The following DPP10 variants were observed in gnomAD, a reference collection of about 807,000 sequenced individuals.
DPP10 encodes the protein dipeptidyl peptidase like 10.
DPP10 carries 33 observed loss-of-function variants against 120.9 expected under a neutral mutation model. The ratio of observed to expected loss-of-function variants is 0.27; its 90% CI spans 0.21 to 0.37. DPP10 has a LOEUF of 0.37. DPP10 is among the 10% of genes least tolerant of loss of function. The pLI is 1.00. For missense variants in DPP10, 816 were observed against 942.8 expected, an observed-to-expected ratio of 0.87 and a Z score of 1.76; for synonymous variants, 337 against 326.1, an observed-to-expected ratio of 1.03 and a Z score of -0.36.
intron 2 of DPP10, among the ~76,000 whole-genome samples, chr2:115,340,753 A>AT (rs1386867756): frequency 2.6e-5 from 4 of 151,530 alleles, no homozygotes; most frequent in Non-Finnish European, 5.9e-5. Context: ...TATAAAAGAA[A>AT]TTTATATATA....
chr2:114,919,111 A>C (rs1296761288), intron 1 of DPP10, among the ~76,000 whole-genome samples: 3 of 151,500 alleles, frequency 2.0e-5, no homozygotes, highest in African/African-American at 7.3e-5. Flanking sequence ...GTCAATGATC[A>C]CTCCAAGTTT....
At chr2:114,507,304 C>G (rs1683759545) in intron 1 of DPP10, among the ~76,000 whole-genome samples, 2 of 152,132 alleles carry the variant, frequency 1.3e-5, no homozygotes, top group South Asian at 4.1e-4. Context: ...ATGCCTCAGC[C>G]TCCTAAAGTG....
intron 1 of DPP10, among the ~76,000 whole-genome samples, chr2:114,593,009 T>A (rs970419168): frequency 1.3e-5 from 2 of 152,174 alleles, no homozygotes; most frequent in African/African-American, 4.8e-5. Flanking sequence ...TAGATCTTAA[T>A]CTCTTCCAGA....
intron 8 of DPP10, among the ~76,000 whole-genome samples, chr2:115,732,490 T>A: frequency 7.3e-6 from 1 of 137,248 alleles, no homozygotes; most frequent in South Asian, 2.4e-4. Flanking sequence ...AATAAGAAAA[T>A]GCTCAAAAAG....
intron 5 of DPP10, among the ~76,000 whole-genome samples, chr2:115,565,735 G>A (rs2080960638): frequency 6.7e-6 from 1 of 149,342 alleles, no homozygotes; most frequent in Non-Finnish European, 1.5e-5. Context: ...TTGTGATTAG[G>A]TAGAGGTTAT....
intron 1 of DPP10, among the ~76,000 whole-genome samples, chr2:114,736,563 A>G (rs1286013940): frequency 6.6e-6 from 1 of 152,260 alleles, no homozygotes; most frequent in Non-Finnish European, 1.5e-5. Flanking sequence ...CTATAAAATC[A>G]GAAAAATTTA....
At chr2:115,204,865 C>T (rs1373647664) in intron 1 of DPP10, among the ~76,000 whole-genome samples, 2 of 152,082 alleles carry the variant, frequency 1.3e-5, no homozygotes, top group Non-Finnish European at 2.9e-5. Flanking sequence ...AGTATTTTTT[C>T]ATGTTTCTTT....
intron 21 of DPP10, among the ~76,000 whole-genome samples, chr2:115,831,289 C>T (rs62157978): frequency 0.081 from 12,346 of 152,132 alleles, 669 homozygotes; most frequent in Non-Finnish European, 0.12. Context: ...TACTCAGTCG[C>T]CCAGGCTGGA....
At chr2:115,350,030 C>A (rs1201332827) in intron 3 of DPP10, among the ~76,000 whole-genome samples, 2 of 152,006 alleles carry the variant, frequency 1.3e-5, no homozygotes, top group African/African-American at 2.4e-5. Context: ...ATTCATGAGG[C>A]TCTTGAAGAT....
chr2:115,330,241 G>C (rs1244720305), intron 2 of DPP10, among the ~76,000 whole-genome samples: 1 of 152,144 alleles, frequency 6.6e-6, no homozygotes, highest in Non-Finnish European at 1.5e-5. Context: ...GTCTTCTTTT[G>C]AGAAGTGTCT....
intron 2 of DPP10, among the ~76,000 whole-genome samples, chr2:115,334,474 C>G (rs989997249): frequency 4.0e-5 from 6 of 151,280 alleles, no homozygotes; most frequent in African/African-American, 1.5e-4. Context: ...CATTAAAGAG[C>G]TTGAACTATA....
intron 1 of DPP10, chr2:115,131,977 C>T (rs2050384990): frequency 6.6e-6 from 1 of 151,924 alleles, no homozygotes; most frequent in South Asian, 2.1e-4. Flanking sequence ...ACAATCCCAG[C>T]TACTCTGGAG....
intron 1 of DPP10, among the ~76,000 whole-genome samples, chr2:114,549,262 C>T (rs1422330745): frequency 2.0e-5 from 3 of 151,966 alleles, no homozygotes; most frequent in South Asian, 2.1e-4. Context: ...TGATTCTCCA[C>T]ATAGAGAGTC....
At chr2:114,812,712 T>C (rs1240844842) in intron 1 of DPP10, among the ~76,000 whole-genome samples, 1 of 152,058 alleles carries the variant, frequency 6.6e-6, no homozygotes, top group African/African-American at 2.4e-5. Flanking sequence ...ACCTCCACAG[T>C]CTTTTGTTTG....
intron 1 of DPP10, among the ~76,000 whole-genome samples, chr2:114,937,545 C>A (rs180679179): frequency 6.6e-6 from 1 of 152,182 alleles, no homozygotes; most frequent in South Asian, 2.1e-4. Context: ...TAAGGTTTCA[C>A]GCCCTCTTGA....
chr2:115,716,735 C>G lies in DPP10; in HGVS notation c.577-11081C>G, dbSNP rs772548424. 1.6e-4 allele frequency among the ~76,000 whole-genome samples: 23 copies of G among 148,016 alleles called. 1 individual carries two copies. The highest frequency in any genetic ancestry group is 6.8e-3 in the Middle Eastern group (2 of 292). ...GCAAAAACAAACAAACAAACAAACA[C>G]TATTTATTCATTTGTGGCCAAAGGT... On this transcript the variant is annotated intron_variant, in intron 7 of 25. Transcript: ENST00000410059.
intron 1 of DPP10, among the ~76,000 whole-genome samples, chr2:114,627,803 G>A (rs548185194): frequency 1.3e-5 from 2 of 152,286 alleles, no homozygotes; most frequent in African/African-American, 4.8e-5. Flanking sequence ...CAGTATTTGT[G>A]CAAACCTGGG....
rs189244998 is a variant in DPP10 at position 114,730,540 on chromosome 2, A to G, written c.60+287702A>G. Among the ~76,000 whole-genome samples, 23 of 152,288 alleles carry G rather than the reference A, an allele frequency of 1.5e-4. 1 individual carries two copies. Among genetic ancestry groups the G allele is most frequent in the Admixed American group, 1.5e-3 (23 of 15,294 alleles). On this transcript the variant is annotated intron_variant, in intron 1 of 25. Transcript: ENST00000410059. ...TTGTAAAGAAACCCACAATAGAGTC[A>G]TATCAATATTATCTACCATGGGTTT...
intron 1 of DPP10, among the ~76,000 whole-genome samples, chr2:115,304,279 C>G (rs1183143174): frequency 6.6e-6 from 1 of 151,528 alleles, no homozygotes; most frequent in Non-Finnish European, 1.5e-5. Context: ...TGTATTGAAG[C>G]AAGTCAATAT....
Sources: gnomAD v4.1 joint callset for allele counts (sites outside exome capture counted in the v4.1 genomes callset) on GRCh38, gnomAD v4.1.1 for gene constraint, MANE v1.5 for transcripts, NCBI Gene and HGNC (gene_info 2026-07-23, HGNC 2026-07-21) for gene names.